SYT9: variants seen among roughly 807,000 people sequenced by gnomAD.
SYT9 encodes synaptotagmin-9.
Under a neutral mutation model 48.4 loss-of-function variants are expected in SYT9, and 22 were observed. That is an observed-to-expected ratio of 0.45 (90% CI 0.32 to 0.65). The LOEUF is 0.65. Among genes scored for constraint, SYT9 ranks in the 30% least tolerant of loss-of-function variants. SYT9 has a pLI of 0.03. For missense variants in SYT9, 577 were observed against 622.0 expected (o/e 0.93, Z 0.77); for synonymous variants, 265 against 245.0 (o/e 1.08, Z -0.76).
chr11:7,289,227 C>T (rs562459309), intron 1 of SYT9, among the ~76,000 whole-genome samples: 1 of 152,282 alleles, frequency 6.6e-6, no homozygotes, highest in South Asian at 2.1e-4. Flanking sequence ...CTTTGCAAGG[C>T]AAAGATCCTA....
intron 1 of SYT9, among the ~76,000 whole-genome samples, chr11:7,292,909 A>G (rs1206606690): frequency 6.6e-6 from 1 of 152,204 alleles, no homozygotes; most frequent in Admixed American, 6.5e-5. Flanking sequence ...TAGCAAACCT[A>G]ATAATGATTC....
At chr11:7,243,844 C>G (rs932415417) in intron 1 of SYT9, among the ~76,000 whole-genome samples, 12 of 152,198 alleles carry the variant, frequency 7.9e-5, no homozygotes, top group African/African-American at 2.7e-4. Flanking sequence ...ATCCTCTTCT[C>G]TCTTTGGAGC....
intron 6 of SYT9, chr11:7,453,975 C>T (rs1461790298): frequency 2.0e-6 from 2 of 985,206 alleles, no homozygotes; most frequent in Non-Finnish European, 2.4e-6. Flanking sequence ...AGCAGGCACC[C>T]TCTGTGGTCT....
At chr11:7,242,853 C>G (rs201454753) in intron 1 of SYT9, among the ~76,000 whole-genome samples, 2 of 151,974 alleles carry the variant, frequency 1.3e-5, no homozygotes, top group East Asian at 3.9e-4. Context: ...CAAGAGCACC[C>G]TGACCAACAT....
In SYT9 at chr11:7,252,029, C is replaced by T. The variant is rs1179782988; in HGVS notation, c.-158C>T. 5 of 827,258 alleles carry T rather than the reference C, an allele frequency of 6.0e-6. No individual in the cohort carries two copies. The highest frequency in any genetic ancestry group is 8.3e-6 in the Non-Finnish European group (5 of 599,050). The allele number at this position is 827,258 out of a possible 1,614,324, so 51.2% of individuals were successfully genotyped here. A position where few individuals can be genotyped will look rare whatever the true frequency, so the allele number is the denominator to read the frequency against. On this transcript the variant is annotated 5_prime_UTR_variant, in exon 1 of 7. Transcript: ENST00000318881. The surrounding 1 kb of genome is among the most constrained non-coding windows in gnomAD (Gnocchi z 6.3). ...TGCATGCAACCGGTGGGAGGCCGGG[C>T]CGGCTGGGTCTGGGGCTCGGGCTCA...
intron 3 of SYT9, among the ~76,000 whole-genome samples, chr11:7,336,698 A>G (rs950410347): frequency 1.3e-5 from 2 of 152,096 alleles, no homozygotes; most frequent in African/African-American, 2.4e-5. Context: ...CCACAGGTCT[A>G]TGCATCTGTT....
intron 3 of SYT9, among the ~76,000 whole-genome samples, chr11:7,343,936 T>C (rs1024481960): frequency 6.6e-6 from 1 of 152,126 alleles, no homozygotes; most frequent in African/African-American, 2.4e-5. Flanking sequence ...AAAAACGTCA[T>C]ATCTCATGAG....
chr11:7,367,992 G>T (rs1850284332), intron 3 of SYT9, among the ~76,000 whole-genome samples: 1 of 152,162 alleles, frequency 6.6e-6, no homozygotes, highest in African/African-American at 2.4e-5. Context: ...TTTTACAAAA[G>T]AAGAAACTGA....
chr11:7,275,420 T>C (rs1848369637), intron 1 of SYT9, among the ~76,000 whole-genome samples: 1 of 152,238 alleles, frequency 6.6e-6, no homozygotes, highest in Non-Finnish European at 1.5e-5. Context: ...GGAATCCTGC[T>C]GTGTTTGAAA....
chr11:7,317,215 A>G (rs559226249), intron 3 of SYT9, among the ~76,000 whole-genome samples: 5 of 152,234 alleles, frequency 3.3e-5, no homozygotes, highest in Non-Finnish European at 7.3e-5. Flanking sequence ...GCTTTCTATT[A>G]GAAGTGTTAA....
At chr11:7,384,912 C>T (rs1850629493) in intron 3 of SYT9, among the ~76,000 whole-genome samples, 1 of 152,072 alleles carries the variant, frequency 6.6e-6, no homozygotes, top group South Asian at 2.1e-4. Flanking sequence ...TGTGCTTGCT[C>T]CTCTGTTTGG....
chr11:7,407,133 T>G (rs1185247438), intron 3 of SYT9, among the ~76,000 whole-genome samples: 2 of 152,176 alleles, frequency 1.3e-5, no homozygotes, highest in Non-Finnish European at 2.9e-5. Context: ...TGCAAGTATT[T>G]TCTCATTCAA....
chr11:7,251,134 C>CACACACACACACA, upstream of SYT9, among the ~76,000 whole-genome samples: 2 of 109,338 alleles, frequency 1.8e-5, no homozygotes, highest in Non-Finnish European at 3.8e-5. Flanking sequence ...ACACACACAC[C>CACACACACACACA]CAGAGTACTT....
rs573879705 is a variant in SYT9 at position 7,289,123 on chromosome 11, A to C, written c.146-13916A>C. Reference sequence around the variant, plus strand: ...CCCTCTTTCCTGCCTCAGTCTCCAGAGCATCATTTGAGATGTGCTGCAGAC... The same window carrying C: ...CCCTCTTTCCTGCCTCAGTCTCCAGCGCATCATTTGAGATGTGCTGCAGAC... On this transcript the variant is annotated intron_variant, in intron 1 of 6. Transcript: ENST00000318881. Among the ~76,000 whole-genome samples the C allele has an allele frequency of 2.0e-5, 3 of 152,308 alleles. No individual in the cohort carries two copies. The South Asian group carries it at 6.2e-4, about 32-fold the overall frequency.
At chr11:7,414,984 T>C (rs1847211457) in intron 3 of SYT9, among the ~76,000 whole-genome samples, 1 of 152,118 alleles carries the variant, frequency 6.6e-6, no homozygotes, top group African/African-American at 2.4e-5. Context: ...CGAAATGAAA[T>C]GGCTTTTTTT....
intron 3 of SYT9, 62 bp downstream of exon 3, chr11:7,314,003 T>G (rs1216462291): frequency 1.3e-6 from 2 of 1,531,442 alleles, no homozygotes; most frequent in Non-Finnish European, 1.8e-6. Context: ...GGAAACAGAT[T>G]ACTTACACAT....
intron 3 of SYT9, among the ~76,000 whole-genome samples, chr11:7,369,531 T>G (rs888535456): frequency 5.3e-5 from 8 of 152,172 alleles, no homozygotes; most frequent in African/African-American, 1.9e-4. Flanking sequence ...GCTTTTGGTG[T>G]TTTAGTCATG....
At chr11:7,241,232 A>G (rs980681072) in intron 1 of SYT9, among the ~76,000 whole-genome samples, 1 of 147,706 alleles carries the variant, frequency 6.8e-6, no homozygotes, top group African/African-American at 2.6e-5. Context: ...ACACACACAC[A>G]CACACGCACA....
At chr11:7,313,180 C>G (rs1849172059) in intron 2 of SYT9, among the ~76,000 whole-genome samples, 1 of 152,050 alleles carries the variant, frequency 6.6e-6, no homozygotes, top group Non-Finnish European at 1.5e-5. Flanking sequence ...GGTTCATTTC[C>G]TGATACCAAG....
Sources: gnomAD v4.1 joint callset for allele counts (sites outside exome capture counted in the v4.1 genomes callset) on GRCh38, gnomAD v4.1.1 for gene constraint, Gnocchi (gnomAD v3.1) non-coding constraint, MANE v1.5 for transcripts, NCBI Gene and HGNC (gene_info 2026-07-23, HGNC 2026-07-21) for gene names.